FAT4: variants seen among roughly 807,000 people sequenced by gnomAD.
FAT4 encodes the protein protocadherin Fat 4.
FAT4 carries 84 observed loss-of-function variants against 303.9 expected under a neutral mutation model. The ratio of observed to expected loss-of-function variants is 0.28; its 90% CI spans 0.23 to 0.33. FAT4 has a LOEUF of 0.33. Among genes scored for constraint, FAT4 ranks in the 10% least tolerant of loss-of-function variants. FAT4 has a pLI of 1.00. For synonymous variants in FAT4, 2,307 were observed against 2,298.8 expected (o/e 1.00, Z -0.10); for missense variants, 6,005 against 6,146.8 (o/e 0.98, Z 0.77).
chr4:125,379,238 C>A (rs1054606102), intron 2 of FAT4, among the ~76,000 whole-genome samples: 1 of 149,094 alleles, frequency 6.7e-6, no homozygotes, highest in Non-Finnish European at 1.5e-5. Flanking sequence ...GCGGAACAAT[C>A]TTTTAAAAAG....
At chr4:125,467,769 G>A (rs929741480) in intron 11 of FAT4, among the ~76,000 whole-genome samples, 1 of 152,132 alleles carries the variant, frequency 6.6e-6, no homozygotes, top group Admixed American at 6.5e-5. Flanking sequence ...CAAAACAAAT[G>A]CATTTGCCAT....
rs1307358943 is a variant in FAT4 at position 125,450,889 on chromosome 4, A to G, written c.9879A>G (p.Thr3293=). Residue 3293 remains threonine (T), a synonymous_variant, in exon 10 of 18, where the codon ACA becomes ACG. Coordinates refer to ENST00000394329, the MANE Select transcript of FAT4 (RefSeq NM_001291303.3). Reference sequence around the variant, plus strand: ...CTGTTAATATACAATTAAAAGGGACAAATGAATATGTGCCCCGTTTTGTTT... The same window carrying G: ...CTGTTAATATACAATTAAAAGGGACGAATGAATATGTGCCCCGTTTTGTTT... The part of the protein sequence containing the change: ...FATVNIQLKG[T]NEYVPRFVSK... The G allele has an allele frequency of 6.2e-6, 10 of 1,614,080 alleles. No individual in the cohort carries two copies. The highest frequency in any genetic ancestry group is 3.3e-5 in the Admixed American group (2 of 59,986).
intron 2 of FAT4, among the ~76,000 whole-genome samples, chr4:125,385,024 A>ATATT (rs1445379104): frequency 2.1e-5 from 2 of 94,444 alleles, no homozygotes; most frequent in African/African-American, 8.5e-5. Context: ...ATATATATAT[A>ATATT]TTTTTTTTTT....
rs1323400062 is a variant in FAT4, at chr4:125,452,346, G to C, written c.11336G>C (p.Ser3779Thr). The C allele has an allele frequency of 3.7e-6, 6 of 1,614,110 alleles. No individual in the cohort carries two copies. The highest frequency in any genetic ancestry group is 5.1e-6 in the Non-Finnish European group (6 of 1,180,050). The change falls in exon 10 of 18, where the codon AGT becomes ACT. Residue 3779 changes from serine to threonine, a missense_variant. Coordinates refer to ENST00000394329, the MANE Select transcript of FAT4 (RefSeq NM_001291303.3). ...KRNHNQYVNP[S>T]GVATFFESIK... ...AATCATAATCAGTATGTGAATCCCAGTGGCGTAGCCACCTTCTTTGAAAGC... is the reference window on the plus strand; with the variant it reads ...AATCATAATCAGTATGTGAATCCCACTGGCGTAGCCACCTTCTTTGAAAGC...
At chr4:125,442,131 C>T (rs947674745) in intron 8 of FAT4, among the ~76,000 whole-genome samples, 1 of 152,116 alleles carries the variant, frequency 6.6e-6, no homozygotes, top group Non-Finnish European at 1.5e-5. Context: ...CTAGCCTAGA[C>T]CTTCTTTTGT....
intron 2 of FAT4, among the ~76,000 whole-genome samples, chr4:125,326,608 A>G: frequency 6.6e-6 from 1 of 152,184 alleles, no homozygotes; most frequent in Non-Finnish European, 1.5e-5. Flanking sequence ...TTCACAATGC[A>G]TCCTCATAAC....
chr4:125,372,184 C>CA (rs869219549), intron 2 of FAT4, among the ~76,000 whole-genome samples: 15 of 149,616 alleles, frequency 1.0e-4, no homozygotes, highest in African/African-American at 3.2e-4. Context: ...TCGTCTCCAC[C>CA]AAAAAAAAGA....
At chr4:125,400,110 T>C (rs1304594619) in intron 3 of FAT4, among the ~76,000 whole-genome samples, 1 of 151,962 alleles carries the variant, frequency 6.6e-6, no homozygotes, top group African/African-American at 2.4e-5. Flanking sequence ...ATAATTGAAA[T>C]TGTAATGACT....
At chr4:125,362,493 T>G (rs1310696944) in intron 2 of FAT4, among the ~76,000 whole-genome samples, 1 of 152,192 alleles carries the variant, frequency 6.6e-6, no homozygotes, top group Non-Finnish European at 1.5e-5. Context: ...TCTCTTCTGA[T>G]GCAGGGAAAA....
At chr4:125,371,618 A>G (rs563740114) in intron 2 of FAT4, among the ~76,000 whole-genome samples, 1 of 151,922 alleles carries the variant, frequency 6.6e-6, no homozygotes, top group Non-Finnish European at 1.5e-5. Flanking sequence ...ACCTTGCCTC[A>G]GGGGCTGTGA....
Position 125,468,763 on chromosome 4 carries a change from A to G in FAT4, c.12157A>G (p.Met4053Val). 1 of 1,614,076 alleles carries G rather than the reference A, an allele frequency of 6.2e-7. No individual in the cohort carries two copies. The highest frequency in any genetic ancestry group is 2.2e-5 in the East Asian group (1 of 44,878). Residue 4053 changes from methionine to valine, a missense_variant, in exon 12 of 18, where the codon ATG (methionine) becomes GTG (valine). By Grantham distance (21) the Met-to-Val change is conservative. Transcript: ENST00000394329. Reference sequence around the variant, plus strand: ...CAGTGGTACATATAAGCTCACCACCATGAAGAAGGTGTCAGATGGACATTT... The same window carrying G: ...CAGTGGTACATATAAGCTCACCACCGTGAAGAAGGTGTCAGATGGACATTT... ...LGSGTYKLTTMKKVSDGHFHT... is the reference protein window; with the variant it reads ...LGSGTYKLTTVKKVSDGHFHT...
chr4:125,458,453 C>A (rs1304904693), intron 10 of FAT4, among the ~76,000 whole-genome samples: 1 of 151,614 alleles, frequency 6.6e-6, no homozygotes, highest in Non-Finnish European at 1.5e-5. Flanking sequence ...ACCGGAAAAC[C>A]ATATAATATA....
intron 16 of FAT4, among the ~76,000 whole-genome samples, chr4:125,486,061 T>G (rs1187200452): frequency 1.3e-5 from 2 of 152,018 alleles, no homozygotes; most frequent in African/African-American, 2.4e-5. Flanking sequence ...ATATTCCAAG[T>G]GCTCTTTCAT....
chr4:125,388,990 T>C (rs1223864409), intron 2 of FAT4, among the ~76,000 whole-genome samples: 1 of 152,146 alleles, frequency 6.6e-6, no homozygotes, highest in Admixed American at 6.6e-5. Flanking sequence ...TGGTGAGAGA[T>C]TAATGTAATT....
chr4:125,395,560 T>C (rs963976128), intron 2 of FAT4, among the ~76,000 whole-genome samples: 1 of 152,042 alleles, frequency 6.6e-6, no homozygotes, highest in Non-Finnish European at 1.5e-5. Context: ...CTCAGGTGAT[T>C]CCCCTGCCTA....
rs186185898 is a variant in FAT4 at position 125,465,685 on chromosome 4, G to A, written c.11905+2018G>A. Among the ~76,000 whole-genome samples, 6 of 152,206 alleles carry A rather than the reference G, an allele frequency of 3.9e-5. No individual in the cohort carries two copies. The South Asian group carries it at 8.3e-4, about 21-fold the overall frequency. On this transcript the variant is annotated intron_variant, in intron 11 of 17. Transcript: ENST00000394329. ...ACCTTCTTGTCACTCTGTAGACATC[G>A]CCAGGGGAAGAGGAATAGCACAATG...
Position 125,468,693 on chromosome 4 carries a change from C to T in FAT4, c.12087C>T (p.Ala4029=). Residue 4029 remains alanine (A), a synonymous_variant, in exon 12 of 18, where the codon GCC becomes GCT. Transcript: ENST00000394329. ...CAGGCGACCGGGCTGAGTTTTTGGC[C>T]CTTGAAATTGCCGAAGAAAGACTAA... is the stretch of plus-strand genomic sequence containing the variant. ...NQTGDRAEFL[A]LEIAEERLRF... 1 of 1,614,004 alleles carries T rather than the reference C, an allele frequency of 6.2e-7. No individual in the cohort carries two copies. The highest frequency in any genetic ancestry group is 1.3e-5 in the African/African-American group (1 of 74,994).
At chr4:125,341,844 TAAAC>T (rs1317210491) in intron 2 of FAT4, among the ~76,000 whole-genome samples, 1 of 151,994 alleles carries the variant, frequency 6.6e-6, no homozygotes, top group Non-Finnish European at 1.5e-5. Context: ...GATTTTGAAA[TAAAC>T]AAGAATTCTT....
At chr4:125,489,666 A>G (rs939435783) in intron 17 of FAT4, among the ~76,000 whole-genome samples, 14 of 152,102 alleles carry the variant, frequency 9.2e-5, no homozygotes, top group African/African-American at 2.9e-4. Context: ...GTGGGATTCA[A>G]GCAATCTGAC....
Sources: allele counts gnomAD v4.1 joint callset (sites outside exome capture counted in the v4.1 genomes callset), GRCh38; gene constraint gnomAD v4.1.1; transcripts MANE v1.5; gene names NCBI Gene and HGNC (gene_info 2026-07-23, HGNC 2026-07-21).